Variants in CHD9 observed in about 807,000 individuals in gnomAD.
CHD9 encodes ATP-dependent chromatin remodeler CHD9.
A neutral mutation model predicts 316.1 loss-of-function variants in CHD9; 77 were observed. The observed-to-expected ratio is 0.24, with a 90% CI of 0.20 to 0.29. CHD9 has a LOEUF of 0.29. Ranked by LOEUF, CHD9 falls within the 10% of genes least tolerant of loss-of-function variation. CHD9 has a pLI of 1.00. For missense variants in CHD9, 2,763 were observed against 3,438.1 expected, an observed-to-expected ratio of 0.80 and a Z score of 4.91; for synonymous variants, 1,129 against 1,158.3, an observed-to-expected ratio of 0.97 and a Z score of 0.51.
chr16:53,243,633 A>G (rs533842655), intron 13 of CHD9, among the ~76,000 whole-genome samples: 3 of 152,336 alleles, frequency 2.0e-5, no homozygotes, highest in South Asian at 2.1e-4. Context: ...GACTAAGACC[A>G]TAAGTTTTAA....
At chr16:53,197,045 C>T (rs2044988067) in intron 2 of CHD9, among the ~76,000 whole-genome samples, 1 of 152,036 alleles carries the variant, frequency 6.6e-6, no homozygotes, top group Non-Finnish European at 1.5e-5. Flanking sequence ...CCTTTCACTC[C>T]CAACTAAGTG....
At chr16:53,139,468 T>C (rs2152702968) in intron 1 of CHD9, among the ~76,000 whole-genome samples, 1 of 152,300 alleles carries the variant, frequency 6.6e-6, no homozygotes, top group South Asian at 2.1e-4. Context: ...ACAGTGGTGA[T>C]GGTAATACAG....
intron 29 of CHD9, among the ~76,000 whole-genome samples, chr16:53,296,634 A>G (rs775581828): frequency 2.0e-5 from 3 of 151,612 alleles, no homozygotes; most frequent in Non-Finnish European, 4.4e-5. Context: ...TTTAATAGAG[A>G]CGGGGTTTCA....
At chr16:53,126,054 A>G (rs1444198235) in intron 1 of CHD9, among the ~76,000 whole-genome samples, 1 of 152,216 alleles carries the variant, frequency 6.6e-6, no homozygotes, top group Non-Finnish European at 1.5e-5. Context: ...TTTTAATTTT[A>G]ATGAAGTCTA....
At chr16:53,117,831 C>CA (rs1555486528) in intron 1 of CHD9, among the ~76,000 whole-genome samples, 18 of 145,858 alleles carry the variant, frequency 1.2e-4, no homozygotes, top group Non-Finnish European at 2.6e-4. Flanking sequence ...AAATATTTCT[C>CA]TTTTTTTTTT....
intron 1 of CHD9, among the ~76,000 whole-genome samples, chr16:53,071,509 A>C (rs1008112890): frequency 2.0e-5 from 3 of 152,140 alleles, no homozygotes; most frequent in African/African-American, 7.2e-5. Flanking sequence ...GGAATAGTAA[A>C]ATATTCCCTC....
At chr16:53,187,761 G>A (rs2044150793) in intron 2 of CHD9, among the ~76,000 whole-genome samples, 1 of 152,158 alleles carries the variant, frequency 6.6e-6, no homozygotes, top group Non-Finnish European at 1.5e-5. Flanking sequence ...AGTAACTGGT[G>A]ACCTTGGGAA....
intron 10 of CHD9, among the ~76,000 whole-genome samples, chr16:53,232,704 A>G (rs942206586): frequency 2.6e-5 from 4 of 152,234 alleles, no homozygotes; most frequent in Non-Finnish European, 5.9e-5. Context: ...GCTATACAGA[A>G]TATGATCTAA....
Position 53,113,602 on chromosome 16 carries a change from C to T in CHD9, c.-164-42324C>T, listed in dbSNP as rs1460705585. ...CTGGGATTACAGGTGTGAGCCACTG[C>T]GCCCAGTCGAGTCTTGGCATTTTTA... On this transcript the variant is annotated intron_variant, in intron 1 of 38. Transcript: ENST00000447540. Among the ~76,000 whole-genome samples the T allele has an allele frequency of 5.3e-5, 8 of 152,126 alleles. 1 individual carries two copies. Among genetic ancestry groups the T allele is most frequent in the Admixed American group, 3.3e-4 (5 of 15,266 alleles).
intron 31 of CHD9, among the ~76,000 whole-genome samples, chr16:53,305,348 A>G (rs1172476050): frequency 2.0e-5 from 3 of 152,246 alleles, no homozygotes; most frequent in African/African-American, 7.2e-5. Flanking sequence ...GGCATAAGCC[A>G]CCACACCTGG....
intron 12 of CHD9, among the ~76,000 whole-genome samples, chr16:53,242,046 C>T (rs1236314804): frequency 6.6e-6 from 1 of 152,150 alleles, no homozygotes; most frequent in Non-Finnish European, 1.5e-5. Flanking sequence ...ACCTTAGGGC[C>T]TTCATACTTA....
intron 1 of CHD9, among the ~76,000 whole-genome samples, chr16:53,150,430 G>T: frequency 6.6e-6 from 1 of 151,854 alleles, no homozygotes; most frequent in Non-Finnish European, 1.5e-5. Flanking sequence ...AGATTACATC[G>T]GTCTACATTG....
chr16:53,324,852 C>T lies in CHD9; in HGVS notation c.8651C>T (p.Thr2884Ile), dbSNP rs755164829. The T allele has an allele frequency of 4.4e-6, 7 of 1,607,010 alleles. No homozygotes were observed. The highest frequency in any genetic ancestry group is 5.9e-6 in the Non-Finnish European group (7 of 1,177,214). The change falls in exon 39 of 39, where the codon ACA (threonine) becomes ATA (isoleucine). Residue 2884 changes from threonine (T) to isoleucine (I), a missense_variant. Physicochemically the swap from Thr to Ile is moderately conservative, Grantham distance 89. Coordinates refer to ENST00000447540, the MANE Select transcript of CHD9 (RefSeq NM_001308319.2). Reference sequence around the variant, plus strand: ...GATGCTTCATCTGGATCTGATAGTACATCGTCGTCATCTGAGGATTCAGAT... The same window carrying T: ...GATGCTTCATCTGGATCTGATAGTATATCGTCGTCATCTGAGGATTCAGAT... The part of the protein sequence containing the change: ...KADASSGSDS[T>I]SSSSEDSDSS...
intron 16 of CHD9, 67 bp downstream of exon 16, chr16:53,247,570 A>C: frequency 9.4e-7 from 1 of 1,067,694 alleles, no homozygotes. Flanking sequence ...GCAGCACTGT[A>C]ATGTAAATGA....
intron 3 of CHD9, among the ~76,000 whole-genome samples, chr16:53,216,661 T>G (rs1370342420): frequency 2.6e-5 from 4 of 152,178 alleles, no homozygotes; most frequent in Non-Finnish European, 5.9e-5. Context: ...CTTTAAAATT[T>G]TAAGTGTTCT....
At chr16:53,130,796 ACGCGGCTGGAGC>A (rs1416184750) in intron 1 of CHD9, 1 of 151,564 alleles carries the variant, frequency 6.6e-6, no homozygotes, top group Non-Finnish European at 1.5e-5. Flanking sequence ...AGGCAGCCCG[ACGCGGCTGGAGC>A]CGCGGCAGGA....
intron 2 of CHD9, among the ~76,000 whole-genome samples, chr16:53,170,045 T>TTTTGTTTTTTTTTG (rs1359480777): frequency 2.7e-5 from 4 of 148,288 alleles, no homozygotes; most frequent in Non-Finnish European, 4.4e-5. Context: ...AGCAGTTTTT[T>TTTTGTTTTTTTTTG]TTTGTTTTTT....
chr16:53,206,525 C>G (rs1489449250), intron 2 of CHD9, among the ~76,000 whole-genome samples: 2 of 152,122 alleles, frequency 1.3e-5, no homozygotes, highest in African/African-American at 4.8e-5. Flanking sequence ...ACAAGACCCC[C>G]TTGTCTTTTA....
chr16:53,290,431 A>G (rs2054234226), intron 27 of CHD9, among the ~76,000 whole-genome samples: 1 of 152,068 alleles, frequency 6.6e-6, no homozygotes, highest in Non-Finnish European at 1.5e-5. Context: ...TATCATGCTG[A>G]CTGACAGAGG....
Sources: allele counts gnomAD v4.1 joint callset (sites outside exome capture counted in the v4.1 genomes callset), GRCh38; gene constraint gnomAD v4.1.1; transcripts MANE v1.5; gene names NCBI Gene and HGNC (gene_info 2026-07-23, HGNC 2026-07-21).